Variants in CABIN1 observed in about 807,000 individuals in gnomAD.
CABIN1 encodes calcineurin binding protein 1, also known as calcineurin-binding protein cabin-1.
A neutral mutation model predicts 227.7 loss-of-function variants in CABIN1; 133 were observed. The observed-to-expected ratio is 0.58, with a 90% CI of 0.51 to 0.67. The LOEUF (loss-of-function observed/expected upper bound fraction) is 0.67. Among genes scored for constraint, CABIN1 ranks in the 30% least tolerant of loss-of-function variants. The probability of loss-of-function intolerance (pLI) is 0.00; values close to 1 mark genes in which losing one functional copy is unlikely to be tolerated. For missense variants in CABIN1, 2,408 were observed against 2,852.5 expected (o/e 0.84, Z 3.55); for synonymous variants, 1,086 against 1,155.1 (o/e 0.94, Z 1.21).
chr22:24,081,786 G>A (rs2040823607), intron 19 of CABIN1, among the ~76,000 whole-genome samples: 1 of 151,980 alleles, frequency 6.6e-6, no homozygotes, highest in Admixed American at 6.6e-5. Flanking sequence ...CAGCACTTTG[G>A]GAGGCTGAGG....
rs756838252 is a variant in CABIN1, at chr22:24,070,825, A to G, written c.2258A>G (p.Tyr753Cys). 30 of 1,614,124 alleles carry G rather than the reference A, an allele frequency of 1.9e-5. 1 individual carries two copies. Among genetic ancestry groups the G allele is most frequent in the East Asian group, 1.8e-4 (8 of 44,900 alleles). ...LQDSLLRLKD[Y>C]RQCFECSDVA... ...GACTCCTTGCTCCGGCTGAAGGACT[A>G]TCGGCAGTGTTTTGAGTGTTCCGAT... The change falls in exon 17 of 37, where the codon TAT becomes TGT. Residue 753 changes from tyrosine (Y) to cysteine (C), a missense_variant. Transcript: ENST00000263119.
chr22:24,178,172 G>A lies in CABIN1; in HGVS notation c.6639G>A (p.Glu2213=), dbSNP rs748472045. The A allele has an allele frequency of 1.2e-6, 2 of 1,613,360 alleles. No individual in the cohort carries two copies. ...QESSLESETD[E]DDDYMDI is the part of the protein sequence containing the mutation. ...CCTCGCTGGAGAGCGAGACAGACGA[G>A]GACGACGACTACATGGACATTTGAG... Residue 2213 remains glutamate, a synonymous_variant, in exon 37 of 37, where the codon GAG becomes GAA. Transcript: ENST00000263119.
intron 15 of CABIN1, among the ~76,000 whole-genome samples, chr22:24,065,712 C>T (rs1003419758): frequency 1.3e-5 from 2 of 152,364 alleles, no homozygotes; most frequent in East Asian, 1.9e-4. Flanking sequence ...AGCCTGGGCA[C>T]CATTGAGCAC....
At chr22:24,025,549 G>A (rs2036022209) in intron 1 of CABIN1, among the ~76,000 whole-genome samples, 1 of 152,206 alleles carries the variant, frequency 6.6e-6, no homozygotes, top group African/African-American at 2.4e-5. Context: ...CGTGAGTGGT[G>A]GGGCCGAGGA....
intron 19 of CABIN1, among the ~76,000 whole-genome samples, chr22:24,079,033 G>A (rs983088207): frequency 4.6e-5 from 7 of 152,026 alleles, no homozygotes; most frequent in African/African-American, 1.7e-4. Context: ...AGTACATCTA[G>A]TTTATTCATT....
chr22:24,121,219 G>A (rs2043391993), intron 28 of CABIN1, among the ~76,000 whole-genome samples: 1 of 152,250 alleles, frequency 6.6e-6, no homozygotes. Context: ...TTGGCCAAGA[G>A]ATGGGCCCTG....
intron 8 of CABIN1, 66 bp downstream of exon 8, chr22:24,051,040 T>C (rs1275023622): frequency 1.9e-6 from 3 of 1,599,116 alleles, no homozygotes; most frequent in Non-Finnish European, 1.7e-6. Context: ...GATGCTGCCC[T>C]GCACAGGAGG....
chr22:24,142,845 G>A (rs1341418176), intron 29 of CABIN1, among the ~76,000 whole-genome samples: 1 of 152,220 alleles, frequency 6.6e-6, no homozygotes, highest in Non-Finnish European at 1.5e-5. Context: ...GGAACATGGG[G>A]ATAGGAAGAG....
intron 24 of CABIN1, among the ~76,000 whole-genome samples, chr22:24,094,040 T>G (rs2041723720): frequency 6.6e-6 from 1 of 152,178 alleles, no homozygotes; most frequent in Admixed American, 6.5e-5. Context: ...ATAGTGCTCA[T>G]ACTGTCCACC....
chr22:24,119,427 A>G lies in CABIN1; in HGVS notation c.4361A>G (p.Gln1454Arg). The change falls in exon 28 of 37, where the codon CAG becomes CGG. Residue 1454 changes from glutamine to arginine, a missense_variant. Gln to Arg is a conservative substitution (Grantham distance 43). Coordinates refer to ENST00000263119, the MANE Select transcript of CABIN1 (RefSeq NM_012295.4). ...EGFRAAEQGV[Q>R]KPAAETPASA... ...TTCCGGGCTGCAGAGCAAGGTGTCCAGAAGCCTGCTGCAGAAACCCCAGCC... is the reference window on the plus strand; with the variant it reads ...TTCCGGGCTGCAGAGCAAGGTGTCCGGAAGCCTGCTGCAGAAACCCCAGCC... The G allele has an allele frequency of 6.2e-7, 1 of 1,614,148 alleles. No individual in the cohort carries two copies. The highest frequency in any genetic ancestry group is 8.5e-7 in the Non-Finnish European group (1 of 1,180,036).
At chr22:24,105,823 A>G (rs1301708019) in intron 26 of CABIN1, among the ~76,000 whole-genome samples, 2 of 152,214 alleles carry the variant, frequency 1.3e-5, no homozygotes, top group South Asian at 2.1e-4. Context: ...GCCTTGCTCT[A>G]TTAGGCGAGG....
chr22:24,123,677 G>A (rs893781511), intron 28 of CABIN1, among the ~76,000 whole-genome samples: 2 of 152,246 alleles, frequency 1.3e-5, no homozygotes, highest in Non-Finnish European at 2.9e-5. Context: ...CTTGTTCACA[G>A]ATCTGGGGGA....
intron 1 of CABIN1, among the ~76,000 whole-genome samples, chr22:24,018,615 C>G (rs187715303): frequency 1.7e-3 from 256 of 152,260 alleles, no homozygotes; most frequent in African/African-American, 6.0e-3. Context: ...GTACTTGAGT[C>G]TAATTCTGGA....
chr22:24,142,206 A>G (rs1162399399), intron 29 of CABIN1, among the ~76,000 whole-genome samples: 2 of 152,058 alleles, frequency 1.3e-5, no homozygotes, highest in African/African-American at 2.4e-5. Flanking sequence ...CTCTCCTCAG[A>G]GAGAGCCAGT....
intron 28 of CABIN1, among the ~76,000 whole-genome samples, chr22:24,129,335 G>A (rs773430927): frequency 6.6e-6 from 1 of 152,188 alleles, no homozygotes; most frequent in Non-Finnish European, 1.5e-5. Flanking sequence ...ACGATTGCTG[G>A]CAGAGTAGTG....
chr22:24,068,552 C>T (rs1002033967), intron 16 of CABIN1, among the ~76,000 whole-genome samples: 2 of 152,182 alleles, frequency 1.3e-5, no homozygotes, highest in South Asian at 2.1e-4. Context: ...TGCTTGAGGT[C>T]GGAGCCGAAT....
At chr22:24,153,885 C>T (rs1461301874) in intron 29 of CABIN1, among the ~76,000 whole-genome samples, 1 of 152,176 alleles carries the variant, frequency 6.6e-6, no homozygotes, top group Non-Finnish European at 1.5e-5. Flanking sequence ...CTCCCTCCTG[C>T]TGTGATAGCC....
chr22:24,080,735 T>G (rs1458640982), intron 19 of CABIN1, among the ~76,000 whole-genome samples: 6 of 152,220 alleles, frequency 3.9e-5, no homozygotes, highest in Non-Finnish European at 8.8e-5. Flanking sequence ...AGTTTTTCTA[T>G]TTGGTTTTTG....
At position 24,177,202 on chromosome 22, in the gene CABIN1, A is replaced by G. The variant is rs1174765026; in HGVS notation, c.6206-302A>G. On this transcript the variant is annotated intron_variant, in intron 35 of 36. Transcript: ENST00000263119. The surrounding 1 kb of genome is among the most constrained non-coding windows in gnomAD (Gnocchi z 4.4). ...TGGAAATACGACAGTTCATGCAAGCATGATGCCTGGAGGTCTTACAGAACC... is the reference window on the plus strand; with the variant it reads ...TGGAAATACGACAGTTCATGCAAGCGTGATGCCTGGAGGTCTTACAGAACC... Among the ~76,000 whole-genome samples the G allele has an allele frequency of 6.6e-6, 1 of 152,222 alleles. No homozygotes were observed. The highest frequency in any genetic ancestry group is 1.5e-5 in the Non-Finnish European group (1 of 68,034).
Sources: allele counts gnomAD v4.1 joint callset (sites outside exome capture counted in the v4.1 genomes callset), GRCh38; gene constraint gnomAD v4.1.1; non-coding constraint Gnocchi (gnomAD v3.1); transcripts MANE v1.5; gene names NCBI Gene and HGNC (gene_info 2026-07-23, HGNC 2026-07-21).